The following SH3BP4 variants were observed in gnomAD, a reference collection of about 807,000 sequenced individuals.
The protein encoded by SH3BP4 is SH3 domain-binding protein 4.
In SH3BP4, 33 loss-of-function variants were observed where a neutral mutation model predicts 65.5. The ratio of observed to expected loss-of-function variants is 0.50; its 90% CI spans 0.38 to 0.67. SH3BP4 has a LOEUF of 0.67. SH3BP4 is among the 30% of genes least tolerant of loss of function. The probability of loss-of-function intolerance (pLI) is 0.00; values close to 1 mark genes in which losing one functional copy is unlikely to be tolerated. For synonymous variants in SH3BP4, 552 were observed against 545.5 expected, an observed-to-expected ratio of 1.01 and a Z score of -0.17; for missense variants, 1,134 against 1,261.4, an observed-to-expected ratio of 0.90 and a Z score of 1.53.
intron 4 of SH3BP4, among the ~76,000 whole-genome samples, chr2:235,050,761 A>G (rs1696023047): frequency 6.6e-6 from 1 of 152,122 alleles, no homozygotes; most frequent in African/African-American, 2.4e-5. Flanking sequence ...AGCCGACCGC[A>G]TGAGCACTAG....
rs199852468 is a variant in SH3BP4, at chr2:235,042,724, C to T, written c.1955C>T (p.Pro652Leu). Residue 652 changes from proline (P) to leucine (L), a missense_variant, in exon 4 of 6, where the codon CCG (proline) becomes CTG (leucine). By Grantham distance (98) the Pro-to-Leu change is moderately conservative. Coordinates refer to ENST00000392011, the MANE Select transcript of SH3BP4 (RefSeq NM_014521.3). This position sits in a 1 kb window ranked among gnomAD's most constrained non-coding sequence, Gnocchi z 7.3. ...AAGTACCCGACTTTCCAGGACCGCC[C>T]GGTGTCCAGCCTCAAGTTTGGTAAG... Reference protein sequence around the residue: ...TTKYPTFQDRPVSSLKFGKLL... With the variant: ...TTKYPTFQDRLVSSLKFGKLL... 32 of 1,614,190 alleles carry T rather than the reference C, an allele frequency of 2.0e-5. No individual in the cohort carries two copies. In the Admixed American group the frequency reaches 2.0e-4, roughly 10 times the overall value.
intron 2 of SH3BP4, among the ~76,000 whole-genome samples, chr2:235,004,697 G>A (rs1163510788): frequency 6.6e-6 from 1 of 152,214 alleles, no homozygotes; most frequent in Non-Finnish European, 1.5e-5. Context: ...GTGGCAGCAT[G>A]TGTCAAAATC....
chr2:234,969,075 A>C (rs1417776799), intron 1 of SH3BP4, among the ~76,000 whole-genome samples: 3 of 152,142 alleles, frequency 2.0e-5, no homozygotes, highest in Admixed American at 2.0e-4. Context: ...TAGAAAGGAG[A>C]GCATTCAAGC....
Position 235,042,879 on chromosome 2 carries a change from A to G in SH3BP4, c.2110A>G (p.Ile704Val), listed in dbSNP as rs371391921. 5.0e-6 allele frequency: 8 copies of G among 1,613,488 alleles called. 1 individual carries two copies. Among genetic ancestry groups the G allele is most frequent in the South Asian group, 4.4e-5 (4 of 91,086 alleles). Residue 704 changes from isoleucine to valine, a missense_variant, in exon 4 of 6, where the codon ATC becomes GTC. Transcript: ENST00000392011. The surrounding 1 kb of genome is among the most constrained non-coding windows in gnomAD (Gnocchi z 7.3). ...RGQLWTKEWYIGYYQGRVGLV... is the reference protein window; with the variant it reads ...RGQLWTKEWYVGYYQGRVGLV... ...CCAGCTGTGGACCAAGGAGTGGTAC[A>G]TCGGCTACTACCAGGGCAGGGTGGG...
intron 1 of SH3BP4, among the ~76,000 whole-genome samples, chr2:234,975,489 G>A (rs1693142313): frequency 6.6e-6 from 1 of 152,172 alleles, no homozygotes; most frequent in Admixed American, 6.5e-5. Context: ...AATCCTACCT[G>A]CAAGACAAGC....
At chr2:235,006,314 G>T (rs781003822) in intron 2 of SH3BP4, among the ~76,000 whole-genome samples, 1 of 152,206 alleles carries the variant, frequency 6.6e-6, no homozygotes, top group Non-Finnish European at 1.5e-5. Flanking sequence ...TCTCAGAGCG[G>T]CCACTTGCTG....
At chr2:234,956,548 A>G (rs1307760927) in intron 1 of SH3BP4, among the ~76,000 whole-genome samples, 2 of 147,996 alleles carry the variant, frequency 1.4e-5, no homozygotes, top group African/African-American at 5.0e-5. Context: ...ACTGAGGACA[A>G]CCCTGCCTCT....
intron 1 of SH3BP4, among the ~76,000 whole-genome samples, chr2:234,973,569 C>T (rs751967420): frequency 4.6e-5 from 7 of 152,178 alleles, no homozygotes; most frequent in Non-Finnish European, 8.8e-5. Context: ...GTATGCAATA[C>T]GTACCCCCCT....
chr2:235,013,925 C>T (rs1694602999), intron 2 of SH3BP4, among the ~76,000 whole-genome samples: 2 of 151,996 alleles, frequency 1.3e-5, no homozygotes, highest in Admixed American at 6.6e-5. Context: ...AATATTAACC[C>T]CCTCCTAGGA....
intron 1 of SH3BP4, among the ~76,000 whole-genome samples, chr2:234,975,859 G>C (rs1038059266): frequency 1.3e-5 from 2 of 152,134 alleles, no homozygotes; most frequent in African/African-American, 4.8e-5. Flanking sequence ...CTGGGCAACA[G>C]AGCAAGACCC....
rs1228759953 is a variant in SH3BP4, at chr2:235,045,627, C to A, written c.2478+2380C>A. 2.0e-5 allele frequency among the ~76,000 whole-genome samples: 3 copies of A among 151,628 alleles called. No homozygotes were observed. The highest frequency in any genetic ancestry group is 2.0e-4 in the Admixed American group (3 of 15,222). ...GCAGTGTCCCCACCCGCCCCCCACA[C>A]CTGTGTCAGTCATCATCTTGGCCAA... On this transcript the variant is annotated intron_variant, in intron 4 of 5. Coordinates refer to ENST00000392011, the MANE Select transcript of SH3BP4 (RefSeq NM_014521.3). The surrounding 1 kb of genome is among the most constrained non-coding windows in gnomAD (Gnocchi z 4.3).
chr2:234,978,530 C>T lies in SH3BP4; in HGVS notation c.-206-16773C>T, dbSNP rs558384920. Among the ~76,000 whole-genome samples, 2 of 152,320 alleles carry T rather than the reference C, an allele frequency of 1.3e-5. No homozygotes were observed. The highest frequency in any genetic ancestry group is 3.9e-4 in the East Asian group (2 of 5,168). ...TGCGGTGAACTCTCCGGCTGGGCTC[C>T]TTTCCTGCTGCAGGTGCCGCGTCTC... On this transcript the variant is annotated intron_variant, in intron 1 of 5. Coordinates refer to ENST00000392011, the MANE Select transcript of SH3BP4 (RefSeq NM_014521.3). The surrounding 1 kb of genome is among the most constrained non-coding windows in gnomAD (Gnocchi z 4.1).
chr2:235,023,613 A>G (rs2106312418), intron 2 of SH3BP4, among the ~76,000 whole-genome samples: 1 of 152,302 alleles, frequency 6.6e-6, no homozygotes, highest in South Asian at 2.1e-4. Context: ...GATTGTAGAA[A>G]AATCTTAGGA....
At chr2:234,970,256 A>T (rs1045118501) in intron 1 of SH3BP4, among the ~76,000 whole-genome samples, 2 of 152,214 alleles carry the variant, frequency 1.3e-5, no homozygotes, top group African/African-American at 4.8e-5. Flanking sequence ...GGCCGGATGG[A>T]ATCTTAAATG....
intron 1 of SH3BP4, among the ~76,000 whole-genome samples, chr2:234,956,653 A>C (rs1407326471): frequency 6.6e-6 from 1 of 151,338 alleles, no homozygotes; most frequent in Admixed American, 6.6e-5. Flanking sequence ...TCCTGGGCTC[A>C]AGCAATCCTT....
intron 2 of SH3BP4, among the ~76,000 whole-genome samples, chr2:235,019,753 A>C (rs974020396): frequency 4.1e-5 from 6 of 145,638 alleles, no homozygotes; most frequent in Non-Finnish European, 7.6e-5. Context: ...GGTGAGTTCT[A>C]TTGTCACCAC....
intron 2 of SH3BP4, among the ~76,000 whole-genome samples, chr2:235,017,305 A>G (rs907914931): frequency 4.0e-5 from 6 of 151,524 alleles, no homozygotes; most frequent in Non-Finnish European, 7.4e-5. Context: ...AAATTAGCCA[A>G]GTGTGGTGGT....
At chr2:234,965,918 G>A (rs745724258) in intron 1 of SH3BP4, among the ~76,000 whole-genome samples, 4 of 152,224 alleles carry the variant, frequency 2.6e-5, no homozygotes, top group Admixed American at 1.3e-4. Flanking sequence ...TTTGCAAATA[G>A]GCAATGCAGT....
At chr2:235,023,258 G>A (rs567894295) in intron 2 of SH3BP4, among the ~76,000 whole-genome samples, 25 of 152,236 alleles carry the variant, frequency 1.6e-4, no homozygotes, top group African/African-American at 6.0e-4. Flanking sequence ...ATAATAATGG[G>A]AATTCAGGCT....
Sources: gnomAD v4.1 joint callset for allele counts (sites outside exome capture counted in the v4.1 genomes callset) on GRCh38, gnomAD v4.1.1 for gene constraint, Gnocchi (gnomAD v3.1) non-coding constraint, MANE v1.5 for transcripts, NCBI Gene and HGNC (gene_info 2026-07-23, HGNC 2026-07-21) for gene names.